TF: variants seen among roughly 807,000 people sequenced by gnomAD.
TF encodes transferrin.
TF carries 55 observed loss-of-function variants against 82.4 expected under a neutral mutation model. That is an observed-to-expected ratio of 0.67 (90% CI 0.54 to 0.84). The LOEUF (loss-of-function observed/expected upper bound fraction) is 0.84, where lower values mean the gene tolerates loss of function less well. Among genes scored for constraint, TF ranks in the 40% least tolerant of loss-of-function variants. The pLI, the probability that TF is intolerant of heterozygous loss-of-function variation, is 0.00. For synonymous variants in TF, 332 were observed against 332.6 expected (o/e 1.00, Z 0.02); for missense variants, 737 against 868.4 (o/e 0.85, Z 1.90).
rs1009299552 is a variant in TF, at chr3:133,791,011, C to G, written c.*12391C>G. 1 of 152,112 alleles carries G rather than the reference C, an allele frequency of 6.6e-6. No homozygotes were observed. The highest frequency in any genetic ancestry group is 2.4e-5 in the African/African-American group (1 of 41,408). 9.4% of individuals were successfully genotyped at this position (152,112 alleles called of 1,614,324 possible). On this transcript the variant is annotated 3_prime_UTR_variant, in exon 17 of 17. Coordinates refer to ENST00000402696, the MANE Select transcript of TF (RefSeq NM_001063.4). ...TTTTCATTTGTTTGCCATTTATTCTCCTCTGGCTTTGCTTGTGTATGCACA... is the reference window on the plus strand; with the variant it reads ...TTTTCATTTGTTTGCCATTTATTCTGCTCTGGCTTTGCTTGTGTATGCACA...
At chr3:133,735,234 G>A in the TF span, among the ~76,000 whole-genome samples, 37 of 151,870 alleles carry the variant, frequency 2.4e-4, 1 homozygote, top group African/African-American at 6.5e-4. Flanking sequence ...CCAGTGACTC[G>A]GGAGGCTGAC....
upstream of TF, among the ~76,000 whole-genome samples, chr3:133,743,800 C>A (rs867750890): frequency 6.6e-6 from 1 of 152,140 alleles, no homozygotes; most frequent in South Asian, 2.1e-4. Flanking sequence ...GGACATGGAG[C>A]GCTGTAATGT....
At chr3:133,726,211 G>C in the TF span, among the ~76,000 whole-genome samples, 1 of 152,114 alleles carries the variant, frequency 6.6e-6, no homozygotes, top group Non-Finnish European at 1.5e-5. Flanking sequence ...TCTATTGATT[G>C]GAATAGTCTC....
chr3:133,711,314 T>C, the TF span, among the ~76,000 whole-genome samples: 1 of 152,098 alleles, frequency 6.6e-6, no homozygotes, highest in Non-Finnish European at 1.5e-5. Context: ...TCAACACAGA[T>C]CTCTCAACAC....
the TF span, among the ~76,000 whole-genome samples, chr3:133,718,394 G>A: frequency 6.6e-6 from 1 of 152,096 alleles, no homozygotes; most frequent in Non-Finnish European, 1.5e-5. Context: ...CGGCAGAAGA[G>A]GGCACTGGAG....
chr3:133,667,792 A>G, the TF span, among the ~76,000 whole-genome samples: 9 of 152,016 alleles, frequency 5.9e-5, no homozygotes, highest in Admixed American at 5.9e-4. Context: ...GGCATCTCTC[A>G]CTCACCTTTC....
In TF at chr3:133,792,661, A is replaced by G. The variant is rs1934870042; in HGVS notation, c.*14041A>G. On this transcript the variant is annotated 3_prime_UTR_variant, in exon 17 of 17. Coordinates refer to ENST00000402696, the MANE Select transcript of TF (RefSeq NM_001063.4). The stretch of plus-strand genomic sequence containing the variant: ...GAAGCAACAGTTTTACATGCAAGTT[A>G]CGTAAGAAAAGTGAATGCATTTTCA... 6.6e-6 allele frequency: 1 copy of G among 152,270 alleles called. No individual in the cohort carries two copies. Among genetic ancestry groups the G allele is most frequent in the Admixed American group, 6.5e-5 (1 of 15,286 alleles). 9.4% of individuals were successfully genotyped at this position (152,270 alleles called of 1,614,324 possible).
chr3:133,742,364 C>T (rs185096077), upstream of TF, among the ~76,000 whole-genome samples: 239 of 152,234 alleles, frequency 1.6e-3, 2 homozygotes, highest in Non-Finnish European at 2.8e-4. Flanking sequence ...GCAGACTCCC[C>T]TGTGAAAAGA....
chr3:133,699,560 T>G, the TF span: 4 of 725,380 alleles, frequency 5.5e-6, no homozygotes, highest in Admixed American at 5.8e-5. Flanking sequence ...TTTCTCATAC[T>G]GTCATGGCCT....
chr3:133,789,879 G>GGTTT lies in TF; in HGVS notation c.*11259_*11260insGTTT, dbSNP rs1934785811. On this transcript the variant is annotated 3_prime_UTR_variant, in exon 17 of 17. Coordinates refer to ENST00000402696, the MANE Select transcript of TF (RefSeq NM_001063.4). Reference sequence around the variant, plus strand: ...GCCAAAACAAAACGATCTCGTTTGCGTTTTTTTTTTTTTTTTTTTTTTTTT... The same window carrying GGTTT: ...GCCAAAACAAAACGATCTCGTTTGCGGTTTTTTTTTTTTTTTTTTTTTTTTTTTT... 1.1e-5 allele frequency: 1 copy of GGTTT among 88,982 alleles called. No individual in the cohort carries two copies. Among genetic ancestry groups the GGTTT allele is most frequent in the Non-Finnish European group, 2.0e-5 (1 of 49,026 alleles). 5.5% of individuals were successfully genotyped at this position (88,982 alleles called of 1,614,324 possible). A position where few individuals can be genotyped will look rare whatever the true frequency, so the allele number is the denominator to read the frequency against.
chr3:133,721,139 G>A, the TF span, among the ~76,000 whole-genome samples: 5 of 151,852 alleles, frequency 3.3e-5, no homozygotes, highest in Non-Finnish European at 7.4e-5. Context: ...ACCAATTTCA[G>A]GTTTAGTTTG....
At chr3:133,743,607 T>C, upstream of TF, among the ~76,000 whole-genome samples, 1 of 152,104 alleles carries the variant, frequency 6.6e-6, no homozygotes, top group East Asian at 1.9e-4. Flanking sequence ...AGTTTCCTTG[T>C]CTCATCTGTA....
chr3:133,688,035 T>G, the TF span, among the ~76,000 whole-genome samples: 8 of 152,172 alleles, frequency 5.3e-5, no homozygotes, highest in Non-Finnish European at 1.2e-4. Flanking sequence ...TGGGGTAGAA[T>G]CAAAGAAATG....
At chr3:133,725,920 G>T in the TF span, among the ~76,000 whole-genome samples, 18 of 152,144 alleles carry the variant, frequency 1.2e-4, no homozygotes, top group Non-Finnish European at 1.9e-4. Context: ...ATAATCATGT[G>T]GTTTTTGTCT....
At chr3:133,737,582 GA>G in the TF span, among the ~76,000 whole-genome samples, 1 of 151,644 alleles carries the variant, frequency 6.6e-6, no homozygotes, top group Non-Finnish European at 1.5e-5. Context: ...AGACTAATAA[GA>G]AAAGAGAGAA....
At chr3:133,718,370 C>T in the TF span, among the ~76,000 whole-genome samples, 2 of 152,182 alleles carry the variant, frequency 1.3e-5, no homozygotes, top group South Asian at 2.1e-4. Flanking sequence ...GACCTTCCCT[C>T]CTCTGTACCT....
At chr3:133,730,780 T>G in the TF span, among the ~76,000 whole-genome samples, 4 of 152,224 alleles carry the variant, frequency 2.6e-5, no homozygotes, top group East Asian at 7.7e-4. Flanking sequence ...CATACAATTT[T>G]TGTGCATTCA....
the TF span, among the ~76,000 whole-genome samples, chr3:133,703,309 A>G: frequency 7.2e-5 from 11 of 152,340 alleles, no homozygotes; most frequent in Non-Finnish European, 1.2e-4. Flanking sequence ...ATTTTTACCC[A>G]ACTTATGGAT....
intron 7 of TF, among the ~76,000 whole-genome samples, 178 bp downstream of exon 7, chr3:133,757,187 G>A (rs1458449910): frequency 1.3e-5 from 2 of 152,200 alleles, no homozygotes; most frequent in East Asian, 3.9e-4. Context: ...CAGGGAGCCT[G>A]CTGTGGTGCT....
Sources: gnomAD v4.1 joint callset for allele counts (sites outside exome capture counted in the v4.1 genomes callset) on GRCh38, gnomAD v4.1.1 for gene constraint, MANE v1.5 for transcripts, NCBI Gene and HGNC (gene_info 2026-07-23, HGNC 2026-07-21) for gene names.